MMP19: variants seen among roughly 807,000 people sequenced by gnomAD.
MMP19 encodes matrix metallopeptidase 19.
MMP19 carries 47 observed loss-of-function variants against 46.6 expected under a neutral mutation model. That is an observed-to-expected ratio of 1.01 (90% CI 0.80 to 1.29). MMP19 has a LOEUF of 1.29. Among genes scored for constraint, MMP19 ranks in the 50% most tolerant of loss-of-function variants. The pLI is 0.00. For missense variants in MMP19, 589 were observed against 643.5 expected (o/e 0.92, Z 0.92); for synonymous variants, 222 against 248.5 (o/e 0.89, Z 1.00).
In MMP19 at chr12:55,839,495, C is replaced by T; in HGVS notation, c.766+1G>A. On this transcript the variant is annotated splice_donor_variant, in intron 5 of 8. Transcript: ENST00000322569. LOFTEE classifies it high-confidence loss of function. ...CCCCCTCACTAGGGGGAGGGACTGA[C>T]CATAGAGAGCCTGGATCCCTGCCAC... The T allele has an allele frequency of 6.2e-7, 1 of 1,606,076 alleles. No homozygotes were observed. The highest frequency in any genetic ancestry group is 8.5e-7 in the Non-Finnish European group (1 of 1,174,022).
At position 55,837,569 on chromosome 12, in the gene MMP19, C is replaced by G; in HGVS notation, c.1174G>C (p.Val392Leu). 6.2e-7 allele frequency: 1 copy of G among 1,614,168 alleles called. No individual in the cohort carries two copies. Among genetic ancestry groups the G allele is most frequent in the Non-Finnish European group, 8.5e-7 (1 of 1,180,034 alleles). The change falls in exon 8 of 9, where the codon GTG becomes CTG. Residue 392 changes from valine (V) to leucine (L), a missense_variant. Coordinates refer to ENST00000322569, the MANE Select transcript of MMP19 (RefSeq NM_002429.6). ...AALYWPLNQK[V>L]FLFKGSGYWQ... ...GAACTTTATACCTTAAAGAGGAACA[C>G]CTTTTGGTTGAGAGGCCAATAGAGA... is the stretch of plus-strand genomic sequence containing the variant.
At chr12:55,838,081 T>C (rs1322849107) in intron 6 of MMP19, 74 bp from the exon 7 acceptor site, 2 of 1,412,706 alleles carry the variant, frequency 1.4e-6, no homozygotes, top group Non-Finnish European at 1.9e-6. Context: ...TATCTCAGGC[T>C]GACTAACAAT....
intron 4 of MMP19, 152 bp from the exon 5 acceptor site, chr12:55,839,893 T>A: frequency 9.7e-7 from 1 of 1,032,180 alleles, no homozygotes; most frequent in Non-Finnish European, 1.4e-6. Context: ...CCTTTCAGAT[T>A]CCCCTGTCAT....
chr12:55,840,773 A>G lies in MMP19; in HGVS notation c.414T>C (p.Asn138=). ...ALRQAFQDWS[N]VAPLTFQEVQ... is the part of the protein sequence containing the mutation. ...CCTCTTGGAAGGTCAAGGGAGCCACATTGCTCCAGTCCTGGAAGGCTTGAC... is the reference window on the plus strand; with the variant it reads ...CCTCTTGGAAGGTCAAGGGAGCCACGTTGCTCCAGTCCTGGAAGGCTTGAC... The change falls in exon 4 of 9, where the codon AAT becomes AAC. Residue 138 remains asparagine, a synonymous_variant. Transcript: ENST00000322569. 1.2e-6 allele frequency: 2 copies of G among 1,614,022 alleles called. No homozygotes were observed. The highest frequency in any genetic ancestry group is 2.7e-5 in the African/African-American group (2 of 75,008).
In MMP19 at chr12:55,842,844, G is replaced by A. The variant is rs773582239; in HGVS notation, c.-14C>T. 2.4e-5 allele frequency: 38 copies of A among 1,577,626 alleles called. No homozygotes were observed. Among genetic ancestry groups the A allele is most frequent in the Non-Finnish European group, 2.9e-5 (34 of 1,161,866 alleles). On this transcript the variant is annotated 5_prime_UTR_variant, in exon 1 of 9. Coordinates refer to ENST00000322569, the MANE Select transcript of MMP19 (RefSeq NM_002429.6). ...CTGGCAGTTCATGGTCCCACCAGAC[G>A]AGAGCTCCAGAGGCTGTCCGTGCCT...
intron 6 of MMP19, 175 bp downstream of exon 6, chr12:55,838,431 T>C: frequency 7.9e-6 from 12 of 1,513,880 alleles, no homozygotes; most frequent in Non-Finnish European, 1.1e-5. Context: ...CCACCTTTAA[T>C]TTGGCTCCGA....
At position 55,837,216 on chromosome 12, in the gene MMP19, C is replaced by A. The variant is rs1210969141; in HGVS notation, c.1347G>T (p.Trp449Cys). The change falls in exon 9 of 9, where the codon TGG becomes TGT. Residue 449 changes from tryptophan (W) to cysteine (C), a missense_variant. Transcript: ENST00000322569. ...CTACTCGAAGCTGCTGGTTGAGGCGCCAGTAGACTTTGCCCTTGAAGAAGT... is the reference window on the plus strand; with the variant it reads ...CTACTCGAAGCTGCTGGTTGAGGCGACAGTAGACTTTGCCCTTGAAGAAGT... ...RVYFFKGKVY[W>C]RLNQQLRVEK... 6.2e-7 allele frequency: 1 copy of A among 1,614,208 alleles called. No individual in the cohort carries two copies. Among genetic ancestry groups the A allele is most frequent in the Non-Finnish European group, 8.5e-7 (1 of 1,180,040 alleles).
intron 5 of MMP19, among the ~76,000 whole-genome samples, chr12:55,839,264 A>G (rs1419737601): frequency 6.7e-6 from 1 of 148,714 alleles, no homozygotes; most frequent in African/African-American, 2.5e-5. Context: ...AAAAAAAAAG[A>G]AGGTGCATTC....
intron 6 of MMP19, 97 bp downstream of exon 6, chr12:55,838,509 T>C: frequency 6.2e-7 from 1 of 1,610,208 alleles, no homozygotes; most frequent in Non-Finnish European, 8.5e-7. Flanking sequence ...CCTCCATTGC[T>C]CATGCTGAAG....
rs762291808 is a variant in MMP19, at chr12:55,837,554, C to T, written c.1188+1G>A. 3.0e-5 allele frequency: 49 copies of T among 1,614,056 alleles called. No homozygotes were observed. Among genetic ancestry groups the T allele is most frequent in the Non-Finnish European group, 4.0e-5 (47 of 1,180,058 alleles). On this transcript the variant is annotated splice_donor_variant, in intron 8 of 8. Coordinates refer to ENST00000322569, the MANE Select transcript of MMP19 (RefSeq NM_002429.6). LOFTEE classifies it high-confidence loss of function. Reference sequence around the variant, plus strand: ...ATTTGCCCTTGCTTTGAACTTTATACCTTAAAGAGGAACACCTTTTGGTTG... The same window carrying T: ...ATTTGCCCTTGCTTTGAACTTTATATCTTAAAGAGGAACACCTTTTGGTTG...
rs765422211 is a variant in MMP19 at position 55,839,692 on chromosome 12, G to A, written c.570C>T (p.Phe190=). ...CCTCAGTCCAGAACTCGTCTTCGTCGAAGTGCACACTGCCCAGCTCTGGGA... is the reference window on the plus strand; with the variant it reads ...CCTCAGTCCAGAACTCGTCTTCGTCAAAGTGCACACTGCCCAGCTCTGGGA... ...ADIPELGSVH[F]DEDEFWTEGT... is the part of the protein sequence containing the mutation. Residue 190 remains phenylalanine, a synonymous_variant, in exon 5 of 9, where the codon TTC becomes TTT. Coordinates refer to ENST00000322569, the MANE Select transcript of MMP19 (RefSeq NM_002429.6). 20 of 1,613,948 alleles carry A rather than the reference G, an allele frequency of 1.2e-5. No individual in the cohort carries two copies. In the African/African-American group the frequency reaches 1.5e-4, roughly 12 times the overall value.
In MMP19 at chr12:55,839,637, T is replaced by C. The variant is rs1392322538; in HGVS notation, c.625A>G (p.Ile209Val). 10 of 1,614,092 alleles carry C rather than the reference T, an allele frequency of 6.2e-6. No individual in the cohort carries two copies. Among genetic ancestry groups the C allele is most frequent in the African/African-American group, 1.3e-5 (1 of 74,920 alleles). The change falls in exon 5 of 9, where the codon ATT (isoleucine) becomes GTT (valine). Residue 209 changes from isoleucine to valine, a missense_variant. By Grantham distance (29) the Ile-to-Val change is conservative. Coordinates refer to ENST00000322569, the MANE Select transcript of MMP19 (RefSeq NM_002429.6). Reference protein sequence around the residue: ...GTYRGVNLRIIAAHEVGHALG... With the variant: ...GTYRGVNLRIVAAHEVGHALG... The stretch of plus-strand genomic sequence containing the variant: ...GCATGGCCCACTTCATGGGCTGCAA[T>C]GATGCGCAGGTTCACCCCACGGTAG...
chr12:55,841,070 C>T (rs1229070594), intron 3 of MMP19, 36 bp downstream of exon 3: 1 of 1,601,084 alleles, frequency 6.2e-7, no homozygotes, highest in Non-Finnish European at 8.5e-7. Flanking sequence ...CACATCACCC[C>T]CTCCTCTCCC....
Position 55,836,421 on chromosome 12 carries a change from C to T in MMP19, c.*615G>A, listed in dbSNP as rs1881215509. On this transcript the variant is annotated 3_prime_UTR_variant, in exon 9 of 9. Coordinates refer to ENST00000322569, the MANE Select transcript of MMP19 (RefSeq NM_002429.6). ...CAGCTAGAGGAAGAGCTGTTCAGTCCTCTCTTATGAACATGGAGTTAGCTT... is the reference window on the plus strand; with the variant it reads ...CAGCTAGAGGAAGAGCTGTTCAGTCTTCTCTTATGAACATGGAGTTAGCTT... The T allele has an allele frequency of 6.6e-6, 1 of 152,256 alleles. No individual in the cohort carries two copies. Among genetic ancestry groups the T allele is most frequent in the African/African-American group, 2.4e-5 (1 of 41,434 alleles). The allele number at this position is 152,256 out of a possible 1,614,324, so 9.4% of individuals were successfully genotyped here.
rs748643611 is a variant in MMP19 at position 55,839,745 on chromosome 12, G to A, written c.521-4C>T. ...TCGGCATGGGCCAGGACTCTCCCTG[G>A]ACAAAGGCAAAGGTGAACAGGAAGG... On this transcript the variant is annotated splice_region_variant and splice_polypyrimidine_tract_variant and intron_variant, in intron 4 of 8. Transcript: ENST00000322569. 33 of 1,608,120 alleles carry A rather than the reference G, an allele frequency of 2.1e-5. No homozygotes were observed. The highest frequency in any genetic ancestry group is 2.8e-5 in the Non-Finnish European group (33 of 1,177,162).
rs144373478 is a variant in MMP19 at position 55,837,139 on chromosome 12, C to T, written c.1424G>A (p.Arg475Gln). The part of the protein sequence containing the change: ...ISHNWMHCRP[R>Q]TIDTTPSGGN... ...ACCTGATGGGGTAGTGTCTATAGTCCGGGGACGACAGTGCATCCAGTTGTG... is the reference window on the plus strand; with the variant it reads ...ACCTGATGGGGTAGTGTCTATAGTCTGGGGACGACAGTGCATCCAGTTGTG... Residue 475 changes from arginine to glutamine, a missense_variant, in exon 9 of 9, where the codon CGG becomes CAG. Coordinates refer to ENST00000322569, the MANE Select transcript of MMP19 (RefSeq NM_002429.6). 17 of 1,613,890 alleles carry T rather than the reference C, an allele frequency of 1.1e-5. No individual in the cohort carries two copies. The highest frequency in any genetic ancestry group is 6.6e-5 in the South Asian group (6 of 91,080).
rs751637081 is a variant in MMP19, at chr12:55,842,348, C to G, written c.173+5G>C. 3.7e-6 allele frequency: 6 copies of G among 1,611,314 alleles called. No homozygotes were observed. In the South Asian group the frequency reaches 6.6e-5, roughly 18 times the overall value. On this transcript the variant is annotated splice_donor_5th_base_variant and intron_variant, in intron 2 of 8. Transcript: ENST00000322569. ...CCTAAAGGCATACACCTCATAGCTT[C>G]TCACCTCAGAGCCTCGGTGATATCT...
rs1227022535 is a variant in MMP19 at position 55,842,334 on chromosome 12, ACACCTCATAG to A, written c.173+9_173+18del. 1 of 1,602,868 alleles carries A rather than the reference ACACCTCATAG, an allele frequency of 6.2e-7. No individual in the cohort carries two copies. Among genetic ancestry groups the A allele is most frequent in the Non-Finnish European group, 8.5e-7 (1 of 1,169,874 alleles). ...CTTGAGACCTTAGCCCTAAAGGCAT[ACACCTCATAG>A]CTTCTCACCTCAGAGCCTCGGTGAT... On this transcript the variant is annotated intron_variant, in intron 2 of 8. Coordinates refer to ENST00000322569, the MANE Select transcript of MMP19 (RefSeq NM_002429.6).
chr12:55,837,991 G>A lies in MMP19; in HGVS notation c.912C>T (p.Thr304=). 2 of 1,586,368 alleles carry A rather than the reference G, an allele frequency of 1.3e-6. No individual in the cohort carries two copies. The highest frequency in any genetic ancestry group is 1.3e-5 in the African/African-American group (1 of 74,354). Residue 304 remains threonine, a synonymous_variant, in exon 7 of 9, where the codon ACC becomes ACT. Coordinates refer to ENST00000322569, the MANE Select transcript of MMP19 (RefSeq NM_002429.6). ...ACACATAGTCCCCCTTGAAAGCATA[G>A]GTCTTCCCACGGGGCCCTGAGCGTA... ...DAMMLGPRGK[T]YAFKGDYVWT... is the part of the protein sequence containing the mutation.
Sources: allele counts gnomAD v4.1 joint callset (sites outside exome capture counted in the v4.1 genomes callset), GRCh38; gene constraint gnomAD v4.1.1; transcripts MANE v1.5; gene names NCBI Gene and HGNC (gene_info 2026-07-23, HGNC 2026-07-21).